The following C12orf56 variants were observed in gnomAD, a reference collection of about 807,000 sequenced individuals.
C12orf56 encodes uncharacterized protein C12orf56.
In C12orf56, 71 loss-of-function variants were observed where a neutral mutation model predicts 69.9. That is an observed-to-expected ratio of 1.02 (90% CI 0.84 to 1.24). The LOEUF is 1.24. Among genes scored for constraint, C12orf56 ranks in the 50% most tolerant of loss-of-function variants. C12orf56 has a pLI of 0.00. For missense variants in C12orf56, 732 were observed against 738.5 expected (o/e 0.99, Z 0.10); for synonymous variants, 276 against 274.1 (o/e 1.01, Z -0.07).
chr12:64,344,749 G>A (rs552837294), intron 2 of C12orf56, among the ~76,000 whole-genome samples: 1 of 152,118 alleles, frequency 6.6e-6, no homozygotes, highest in Admixed American at 6.5e-5. Flanking sequence ...ATATCTTCTG[G>A]ACCCTCCCAG....
Position 64,386,519 on chromosome 12 carries a change from C to T in C12orf56, c.252+3795G>A, listed in dbSNP as rs536705999. 1.5e-3 allele frequency among the ~76,000 whole-genome samples: 222 copies of T among 152,116 alleles called. 2 individuals carry two copies. Among genetic ancestry groups the T allele is most frequent in the Admixed American group, 0.014 (221 of 15,270 alleles). ...TCAAGCTATTCTCCTGCCTCAGCCT[C>T]CCAAGTAGCTGGCGTTATAGGCATG... On this transcript the variant is annotated intron_variant, in intron 1 of 12. Coordinates refer to ENST00000543942, the MANE Select transcript of C12orf56 (RefSeq NM_001170633.2).
At chr12:64,315,308 T>A (rs1044114179) in intron 4 of C12orf56, among the ~76,000 whole-genome samples, 5 of 11,908 alleles carry the variant, frequency 4.2e-4, no homozygotes, top group African/African-American at 1.9e-3. Flanking sequence ...TGTTCTACGT[T>A]TTTTTTTTTT....
chr12:64,360,501 G>T (rs1472256410), intron 1 of C12orf56, among the ~76,000 whole-genome samples: 1 of 152,136 alleles, frequency 6.6e-6, no homozygotes, highest in Admixed American at 6.6e-5. Flanking sequence ...ATAATAGGTA[G>T]GTAGGTAGAT....
Position 64,274,900 on chromosome 12 carries a change from C to A in C12orf56, c.1584+1G>T. The A allele has an allele frequency of 1.2e-6, 2 of 1,604,260 alleles. No individual in the cohort carries two copies. Among genetic ancestry groups the A allele is most frequent in the Non-Finnish European group, 8.5e-7 (1 of 1,171,586 alleles). On this transcript the variant is annotated splice_donor_variant, in intron 11 of 12. Transcript: ENST00000543942. LOFTEE classifies it high-confidence loss of function. ...TTTCGTTTTGACTTCTAGATACTTA[C>A]GATGGGAGGACAGCTTTGTAGAAAG... is the stretch of plus-strand genomic sequence containing the variant.
At chr12:64,338,814 G>T in intron 2 of C12orf56, 2 of 1,102,980 alleles carry the variant, frequency 1.8e-6, no homozygotes, top group South Asian at 1.3e-5. Context: ...AAGCTAGGCC[G>T]GTGAGCAGCA....
chr12:64,389,046 A>C (rs568781077), intron 1 of C12orf56: 1 of 152,136 alleles, frequency 6.6e-6, no homozygotes, highest in African/African-American at 2.4e-5. Flanking sequence ...CGTTCAAAAC[A>C]AGCCATGACT....
At chr12:64,316,768 T>G (rs2038696375) in intron 4 of C12orf56, among the ~76,000 whole-genome samples, 1 of 152,240 alleles carries the variant, frequency 6.6e-6, no homozygotes, top group Admixed American at 6.5e-5. Context: ...CTCATAGGGT[T>G]GTTGTAAAAA....
intron 8 of C12orf56, among the ~76,000 whole-genome samples, chr12:64,278,502 A>G (rs2038085085): frequency 6.6e-6 from 1 of 152,262 alleles, no homozygotes; most frequent in East Asian, 1.9e-4. Flanking sequence ...ATGGTATACA[A>G]CATGATGTTT....
At chr12:64,308,951 GAAAGA>G (rs1592439933) in intron 5 of C12orf56, among the ~76,000 whole-genome samples, 4 of 90,292 alleles carry the variant, frequency 4.4e-5, no homozygotes, top group Non-Finnish European at 7.0e-5. Flanking sequence ...AAGAAAGAAA[GAAAGA>G]AAGAAAGAAA....
chr12:64,327,460 A>G (rs1169565626), intron 3 of C12orf56, among the ~76,000 whole-genome samples: 1 of 152,228 alleles, frequency 6.6e-6, no homozygotes, highest in Non-Finnish European at 1.5e-5. Context: ...TCAGAACTAA[A>G]CATAAATAAA....
At chr12:64,349,958 G>C (rs892573738) in intron 2 of C12orf56, among the ~76,000 whole-genome samples, 9 of 152,106 alleles carry the variant, frequency 5.9e-5, no homozygotes, top group African/African-American at 1.9e-4. Flanking sequence ...CAGGCATGGT[G>C]GTGGGTGCCT....
Position 64,270,721 on chromosome 12 carries a change from A to G in C12orf56, c.1585-7T>C, listed in dbSNP as rs1156580020. On this transcript the variant is annotated splice_polypyrimidine_tract_variant and splice_region_variant and intron_variant, in intron 11 of 12. Transcript: ENST00000543942. ...TACTGGCCACAAAAGTAATCTAGAC[A>G]AGGAAAATACAGTTACATGTAGGCT... 1 of 1,597,412 alleles carries G rather than the reference A, an allele frequency of 6.3e-7. No homozygotes were observed. The highest frequency in any genetic ancestry group is 2.2e-5 in the East Asian group (1 of 44,786).
intron 6 of C12orf56, among the ~76,000 whole-genome samples, chr12:64,300,853 G>A (rs1592432621): frequency 1.3e-5 from 2 of 152,138 alleles, no homozygotes; most frequent in African/African-American, 4.8e-5. Context: ...CCAGATGGTA[G>A]CCTGATATGT....
intron 8 of C12orf56, among the ~76,000 whole-genome samples, chr12:64,281,601 TAC>T (rs1259303082): frequency 1.3e-5 from 2 of 151,930 alleles, no homozygotes; most frequent in East Asian, 1.9e-4. Flanking sequence ...AGAAAACGAA[TAC>T]AGTTTTATTA....
chr12:64,307,742 G>C (rs2038535083), intron 5 of C12orf56, among the ~76,000 whole-genome samples: 1 of 151,844 alleles, frequency 6.6e-6, no homozygotes, highest in Non-Finnish European at 1.5e-5. Context: ...TGGCCCAGGG[G>C]TGCAAATCCC....
At chr12:64,373,003 A>G (rs561600788) in intron 1 of C12orf56, among the ~76,000 whole-genome samples, 1 of 151,228 alleles carries the variant, frequency 6.6e-6, no homozygotes, top group African/African-American at 2.4e-5. Flanking sequence ...AGAATATATC[A>G]CTCTTCTGGT....
chr12:64,365,848 T>TTA (rs1289108833), intron 1 of C12orf56, among the ~76,000 whole-genome samples: 6 of 138,340 alleles, frequency 4.3e-5, no homozygotes, highest in African/African-American at 1.3e-4. Flanking sequence ...AGTGTATATA[T>TTA]TGTATTATAT....
At chr12:64,275,267 T>G (rs993535190) in intron 10 of C12orf56, 31 bp downstream of exon 10, 9 of 1,023,398 alleles carry the variant, frequency 8.8e-6, no homozygotes, top group Non-Finnish European at 1.3e-5. Flanking sequence ...TTACATAAAA[T>G]ATGTAAAAAT....
intron 6 of C12orf56, among the ~76,000 whole-genome samples, chr12:64,295,185 A>G (rs1229991340): frequency 6.6e-6 from 1 of 152,202 alleles, no homozygotes; most frequent in Non-Finnish European, 1.5e-5. Context: ...GCCAGTGGAA[A>G]AAATTTAAAC....
Sources: allele counts gnomAD v4.1 joint callset (sites outside exome capture counted in the v4.1 genomes callset), GRCh38; gene constraint gnomAD v4.1.1; transcripts MANE v1.5; gene names NCBI Gene and HGNC (gene_info 2026-07-23, HGNC 2026-07-21).